MICAL2: variants seen among roughly 807,000 people sequenced by gnomAD.
MICAL2 encodes microtubule associated monooxygenase, calponin and LIM domain containing 2, also known as [F-actin]-monooxygenase MICAL2.
MICAL2 carries 77 observed loss-of-function variants against 127.3 expected under a neutral mutation model. The observed-to-expected ratio is 0.60, with a 90% CI of 0.50 to 0.73. The LOEUF (loss-of-function observed/expected upper bound fraction) is 0.73, where lower values mean the gene tolerates loss of function less well. Ranked by LOEUF, MICAL2 falls within the 30% of genes least tolerant of loss-of-function variation. The pLI, the probability that MICAL2 is intolerant of heterozygous loss-of-function variation, is 0.00. For synonymous variants in MICAL2, 570 were observed against 551.1 expected, an observed-to-expected ratio of 1.03 and a Z score of -0.48; for missense variants, 1,351 against 1,434.4, an observed-to-expected ratio of 0.94 and a Z score of 0.94.
At chr11:12,169,735 A>C (rs1855999545) in intron 3 of MICAL2, among the ~76,000 whole-genome samples, 1 of 152,230 alleles carries the variant, frequency 6.6e-6, no homozygotes, top group African/African-American at 2.4e-5. Context: ...CATTTTAAAC[A>C]GTGCTGCAGT....
At chr11:12,317,998 G>A (rs10219390) in intron 29 of MICAL2, among the ~76,000 whole-genome samples, 21,896 of 152,126 alleles carry the variant, frequency 0.14, 1,838 homozygotes, top group South Asian at 0.27. Context: ...TTAAGTTTAT[G>A]TTTCTTCCAT....
At chr11:12,140,556 G>C (rs1258551812) in intron 2 of MICAL2, among the ~76,000 whole-genome samples, 1 of 149,024 alleles carries the variant, frequency 6.7e-6, no homozygotes. Flanking sequence ...TGGCAGCAAA[G>C]AGAACACTAC....
chr11:12,151,708 C>T (rs781598258), intron 2 of MICAL2, among the ~76,000 whole-genome samples: 15 of 152,118 alleles, frequency 9.9e-5, no homozygotes, highest in South Asian at 6.2e-4. Flanking sequence ...CACCAAAAAC[C>T]ACTATGGGGG....
At chr11:12,328,648 T>G (rs867353528) in intron 32 of MICAL2, among the ~76,000 whole-genome samples, 37 of 152,318 alleles carry the variant, frequency 2.4e-4, no homozygotes, top group African/African-American at 8.2e-4. Flanking sequence ...TATTGTCTCT[T>G]TAGTTTTATA....
chr11:12,184,727 G>A (rs903901143), intron 3 of MICAL2, among the ~76,000 whole-genome samples: 2 of 152,044 alleles, frequency 1.3e-5, no homozygotes, highest in African/African-American at 4.8e-5. Flanking sequence ...TAATTTGGTG[G>A]CTGGTAACAA....
At chr11:12,359,404 A>G (rs1456302021), downstream of MICAL2, among the ~76,000 whole-genome samples, 1 of 151,520 alleles carries the variant, frequency 6.6e-6, no homozygotes, top group African/African-American at 2.4e-5. Context: ...TGGTGCCGCT[A>G]CTGAAACTGA....
chr11:12,233,961 G>A lies in MICAL2; in HGVS notation c.1996-2216G>A, dbSNP rs536048845. On this transcript the variant is annotated intron_variant, in intron 15 of 27. Transcript: ENST00000683283. Reference sequence around the variant, plus strand: ...CTTAGTTGAGAATCAGTGCTTCAATGTTAAATTCATAAGGAAGAGTAGAAA... The same window carrying A: ...CTTAGTTGAGAATCAGTGCTTCAATATTAAATTCATAAGGAAGAGTAGAAA... Among the ~76,000 whole-genome samples, 12 of 152,350 alleles carry A rather than the reference G, an allele frequency of 7.9e-5. No individual in the cohort carries two copies. In the East Asian group the frequency reaches 2.3e-3, roughly 29 times the overall value.
intron 2 of MICAL2, among the ~76,000 whole-genome samples, chr11:12,146,109 A>G (rs942367844): frequency 3.6e-4 from 55 of 152,274 alleles, no homozygotes; most frequent in African/African-American, 1.2e-3. Flanking sequence ...AACCATAAAA[A>G]CCCTAGAAGA....
rs541194843 is a variant in MICAL2, at chr11:12,110,751, C to G, written c.-149+25C>G. ...GGTAAGGCGGGGGCGGCGCTGGCCT[C>G]AGGGTGGGGAGGGCGGGCGGGCGCG... On this transcript the variant is annotated intron_variant, in intron 1 of 27. Coordinates refer to ENST00000683283, the MANE Select transcript of MICAL2 (RefSeq NM_001282663.2). The surrounding 1 kb of genome is among the most constrained non-coding windows in gnomAD (Gnocchi z 4.5). 3.1e-5 allele frequency: 4 copies of G among 127,824 alleles called. No individual in the cohort carries two copies. Among genetic ancestry groups the G allele is most frequent in the African/African-American group, 1.2e-4 (4 of 34,478 alleles). 7.9% of individuals were successfully genotyped at this position (127,824 alleles called of 1,614,324 possible).
At chr11:12,284,561 A>G (rs75863650) in intron 2 of MICAL2, among the ~76,000 whole-genome samples, 2,088 of 152,290 alleles carry the variant, frequency 0.014, 21 homozygotes, top group Non-Finnish European at 0.02. Flanking sequence ...CATTTCCAAT[A>G]GGTTCCATTC....
At position 12,190,293 on chromosome 11, in the gene MICAL2, A is replaced by T. The variant is rs2134014883; in HGVS notation, c.265-13957A>T. Among the ~76,000 whole-genome samples the T allele has an allele frequency of 2.0e-5, 3 of 152,270 alleles. 1 individual carries two copies. In the Middle Eastern group the frequency reaches 0.01, roughly 518 times the overall value. Reference sequence around the variant, plus strand: ...CACCCTGGGATTTGTCTCTTGAAGAATCAGGGTTTTGGACTCTCCTACGTA... The same window carrying T: ...CACCCTGGGATTTGTCTCTTGAAGATTCAGGGTTTTGGACTCTCCTACGTA... On this transcript the variant is annotated intron_variant, in intron 3 of 27. Coordinates refer to ENST00000683283, the MANE Select transcript of MICAL2 (RefSeq NM_001282663.2).
intron 32 of MICAL2, among the ~76,000 whole-genome samples, chr11:12,332,229 A>G (rs569653776): frequency 6.6e-6 from 1 of 152,314 alleles, no homozygotes; most frequent in South Asian, 2.1e-4. Context: ...TTTGTTCTCA[A>G]AAGGTACTTG....
intron 2 of MICAL2, among the ~76,000 whole-genome samples, chr11:12,139,347 C>A (rs538090039): frequency 2.6e-5 from 4 of 152,270 alleles, no homozygotes; most frequent in African/African-American, 9.6e-5. Context: ...TAAAACCCTC[C>A]CTTCTCTCCG....
intron 3 of MICAL2, among the ~76,000 whole-genome samples, chr11:12,190,295 CAG>C (rs1482918300): frequency 1.3e-5 from 2 of 152,120 alleles, no homozygotes; most frequent in East Asian, 3.9e-4. Flanking sequence ...CTTGAAGAAT[CAG>C]GGTTTTGGAC....
chr11:12,300,467 A>G (rs1864034733), intron 29 of MICAL2, among the ~76,000 whole-genome samples: 1 of 152,222 alleles, frequency 6.6e-6, no homozygotes, highest in Admixed American at 6.5e-5. Context: ...CAATCAGATG[A>G]GCCCTTAACA....
At chr11:12,144,898 G>A (rs1006169450) in intron 2 of MICAL2, among the ~76,000 whole-genome samples, 1 of 152,158 alleles carries the variant, frequency 6.6e-6, no homozygotes, top group African/African-American at 2.4e-5. Flanking sequence ...CTGGGGAGAA[G>A]TTCCCGAGAG....
At chr11:12,340,614 C>T (rs1204036272) in intron 32 of MICAL2, among the ~76,000 whole-genome samples, 2 of 152,102 alleles carry the variant, frequency 1.3e-5, no homozygotes, top group Non-Finnish European at 2.9e-5. Context: ...CTCATAATAG[C>T]AGAACTCTAA....
At chr11:12,167,685 C>G (rs1220897068) in intron 3 of MICAL2, among the ~76,000 whole-genome samples, 1 of 152,154 alleles carries the variant, frequency 6.6e-6, no homozygotes, top group Non-Finnish European at 1.5e-5. Flanking sequence ...GAAGAAAAAG[C>G]TTAAAAGAAC....
At chr11:12,252,979 A>G (rs569640165) in intron 22 of MICAL2, 1 of 152,226 alleles carries the variant, frequency 6.6e-6, no homozygotes, top group South Asian at 2.1e-4. Context: ...TCACTCTACG[A>G]TCCTGGGATC....
Sources: gnomAD v4.1 joint callset for allele counts (sites outside exome capture counted in the v4.1 genomes callset) on GRCh38, gnomAD v4.1.1 for gene constraint, Gnocchi (gnomAD v3.1) non-coding constraint, MANE v1.5 for transcripts, NCBI Gene and HGNC (gene_info 2026-07-23, HGNC 2026-07-21) for gene names.